The following OPCML variants were observed in gnomAD, a reference collection of about 807,000 sequenced individuals.
OPCML encodes the protein opioid-binding protein/cell adhesion molecule.
Under a neutral mutation model 37.8 loss-of-function variants are expected in OPCML, and 13 were observed. That is an observed-to-expected ratio of 0.34 (90% CI 0.22 to 0.55). The LOEUF is 0.55. OPCML is among the 20% of genes least tolerant of loss of function. The probability of loss-of-function intolerance (pLI) is 0.91; values close to 1 mark genes in which losing one functional copy is unlikely to be tolerated. For missense variants in OPCML, 341 were observed against 435.6 expected (o/e 0.78, Z 1.93); for synonymous variants, 176 against 168.8 (o/e 1.04, Z -0.33).
At chr11:132,771,356 G>T (rs1304565769) in intron 2 of OPCML, among the ~76,000 whole-genome samples, 1 of 152,140 alleles carries the variant, frequency 6.6e-6, no homozygotes, top group Non-Finnish European at 1.5e-5. Context: ...CTCACTGCAG[G>T]ATGCTAAGCA....
At chr11:132,914,751 A>T (rs1248150874) in intron 2 of OPCML, among the ~76,000 whole-genome samples, 2 of 152,168 alleles carry the variant, frequency 1.3e-5, no homozygotes, top group African/African-American at 4.8e-5. Flanking sequence ...GGGAGACGGG[A>T]TGGGGATCCT....
At chr11:133,340,737 ATG>A (rs147751485) in intron 1 of OPCML, among the ~76,000 whole-genome samples, 2 of 148,084 alleles carry the variant, frequency 1.4e-5, no homozygotes, top group Non-Finnish European at 3.0e-5. Context: ...AAGAATGTGT[ATG>A]TGTGTGTGTG....
chr11:133,393,042 CT>C (rs55728368), intron 1 of OPCML, among the ~76,000 whole-genome samples: 22 of 146,368 alleles, frequency 1.5e-4, no homozygotes, highest in South Asian at 2.1e-4. Flanking sequence ...TGTTTAGTGA[CT>C]TTTTTTTTTT....
At chr11:133,460,726 G>A (rs541261691) in intron 1 of OPCML, among the ~76,000 whole-genome samples, 1 of 151,892 alleles carries the variant, frequency 6.6e-6, no homozygotes, top group South Asian at 2.1e-4. Context: ...AAAAAACTAG[G>A]AACAGATGTT....
At chr11:132,754,363 A>C (rs1945957431) in intron 2 of OPCML, among the ~76,000 whole-genome samples, 2 of 152,074 alleles carry the variant, frequency 1.3e-5, no homozygotes, top group Non-Finnish European at 2.9e-5. Context: ...GTCTCACAAG[A>C]TCTGACGGTT....
At chr11:133,303,851 T>C (rs1328286791) in intron 1 of OPCML, among the ~76,000 whole-genome samples, 1 of 152,084 alleles carries the variant, frequency 6.6e-6, no homozygotes, top group Non-Finnish European at 1.5e-5. Context: ...CTAGGGCAAA[T>C]GATGCACACA....
intron 3 of OPCML, among the ~76,000 whole-genome samples, chr11:132,636,080 G>T (rs1471469742): frequency 1.3e-5 from 2 of 152,192 alleles, no homozygotes; most frequent in Non-Finnish European, 2.9e-5. Context: ...GTATGCAAAT[G>T]AGTGTTTTGC....
chr11:132,810,441 C>A (rs1939275442), intron 2 of OPCML, among the ~76,000 whole-genome samples: 1 of 152,130 alleles, frequency 6.6e-6, no homozygotes, highest in Non-Finnish European at 1.5e-5. Flanking sequence ...CACGGTGGCT[C>A]ACGCCTGTAA....
At chr11:133,416,780 G>T (rs1451084850) in intron 1 of OPCML, among the ~76,000 whole-genome samples, 1 of 152,136 alleles carries the variant, frequency 6.6e-6, no homozygotes, top group Middle Eastern at 3.2e-3. Context: ...ATCAGAGAGT[G>T]CCTTTTGTTA....
At chr11:132,782,393 C>T (rs966691087) in intron 2 of OPCML, among the ~76,000 whole-genome samples, 3 of 152,218 alleles carry the variant, frequency 2.0e-5, no homozygotes, top group Admixed American at 6.5e-5. Flanking sequence ...TTTCTGCAGT[C>T]CTCACAGTTT....
chr11:132,967,066 C>A (rs1009196114), intron 1 of OPCML, among the ~76,000 whole-genome samples: 7 of 151,952 alleles, frequency 4.6e-5, no homozygotes, highest in African/African-American at 1.7e-4. Context: ...TTGTTTACTA[C>A]GTGTCACATG....
At chr11:133,304,188 G>A (rs1358457012) in intron 1 of OPCML, among the ~76,000 whole-genome samples, 1 of 152,178 alleles carries the variant, frequency 6.6e-6, no homozygotes, top group Non-Finnish European at 1.5e-5. Context: ...AGCATGGGTA[G>A]GCCCATAAAT....
intron 1 of OPCML, among the ~76,000 whole-genome samples, chr11:133,400,643 A>T (rs1945382284): frequency 1.3e-5 from 2 of 152,248 alleles, no homozygotes; most frequent in Admixed American, 1.3e-4. Flanking sequence ...TTTAAAATTA[A>T]AAAATGTAAA....
chr11:132,867,738 G>A (rs1474009956), intron 2 of OPCML, among the ~76,000 whole-genome samples: 1 of 152,182 alleles, frequency 6.6e-6, no homozygotes, highest in Non-Finnish European at 1.5e-5. Flanking sequence ...CCATTCCTTG[G>A]ATCTCTCTGC....
chr11:133,314,052 G>A (rs577400267), intron 1 of OPCML, among the ~76,000 whole-genome samples: 98 of 151,064 alleles, frequency 6.5e-4, no homozygotes, highest in African/African-American at 2.3e-3. Context: ...CGGCTAACAC[G>A]GTGAAACCTC....
rs1256474778 is a variant in OPCML, at chr11:132,419,080, TG to T, written c.*1112del. On this transcript the variant is annotated 3_prime_UTR_variant, in exon 8 of 8. Transcript: ENST00000524381. The stretch of plus-strand genomic sequence containing the variant: ...AGTCCACAACACAGGGTATTGCTTT[TG>T]TATTTTGTTAACCTGTGAGATCGTT... 1 of 152,654 alleles carries T rather than the reference TG, an allele frequency of 6.6e-6. No individual in the cohort carries two copies. The highest frequency in any genetic ancestry group is 1.5e-5 in the Non-Finnish European group (1 of 68,036). The allele number at this position is 152,654 out of a possible 1,614,324, so 9.5% of individuals were successfully genotyped here.
At chr11:132,716,849 A>G (rs1412925727) in intron 2 of OPCML, among the ~76,000 whole-genome samples, 2 of 152,170 alleles carry the variant, frequency 1.3e-5, no homozygotes, top group Non-Finnish European at 2.9e-5. Context: ...AATATTTAAA[A>G]TGCCCCCAAG....
chr11:132,828,256 C>T (rs543278863), intron 2 of OPCML, among the ~76,000 whole-genome samples: 28 of 152,118 alleles, frequency 1.8e-4, no homozygotes, highest in African/African-American at 5.8e-4. Context: ...GGGATGAGCG[C>T]GTGGAACACA....
chr11:132,848,373 A>G (rs1187956613), intron 2 of OPCML, among the ~76,000 whole-genome samples: 1 of 152,234 alleles, frequency 6.6e-6, no homozygotes, highest in Non-Finnish European at 1.5e-5. Context: ...ATTCACATAT[A>G]CCTGCCTTTC....
Sources: allele counts gnomAD v4.1 joint callset (sites outside exome capture counted in the v4.1 genomes callset), GRCh38; gene constraint gnomAD v4.1.1; transcripts MANE v1.5; gene names NCBI Gene and HGNC (gene_info 2026-07-23, HGNC 2026-07-21).